The following SHANK2 variants were observed in gnomAD, a reference collection of about 807,000 sequenced individuals.
SHANK2 encodes SH3 and multiple ankyrin repeat domains 2.
SHANK2 carries 43 observed loss-of-function variants against 133.7 expected under a neutral mutation model. The observed-to-expected ratio is 0.32, with a 90% CI of 0.25 to 0.41. The LOEUF is 0.41. Among genes scored for constraint, SHANK2 ranks in the 10% least tolerant of loss-of-function variants. The pLI is 1.00. For synonymous variants in SHANK2, 1,017 were observed against 952.8 expected (o/e 1.07, Z -1.24); for missense variants, 1,994 against 2,235.8 (o/e 0.89, Z 2.18).
intron 17 of SHANK2, among the ~76,000 whole-genome samples, chr11:70,530,505 C>T (rs2059454042): frequency 1.3e-5 from 2 of 152,148 alleles, no homozygotes; most frequent in African/African-American, 4.8e-5. Flanking sequence ...CACTGCACTC[C>T]TGCCTGGGTG....
At chr11:71,252,725 G>A (rs564102261), upstream of SHANK2, 2 of 150,338 alleles carry the variant, frequency 1.3e-5, no homozygotes, top group Admixed American at 6.6e-5. The surrounding 1 kb of genome is among the most constrained non-coding windows in gnomAD (Gnocchi z 6.3). Flanking sequence ...TCAGTCCCCC[G>A]CCCCGACCCC....
rs528813260 is a variant in SHANK2 at position 71,108,026 on chromosome 11, G to T, written c.592+1915C>A. On this transcript the variant is annotated intron_variant, in intron 6 of 25. Transcript: ENST00000601538. ...ACGAGGCCAAGATGAAGACATAAGT[G>T]GCTCTGCCAGGGTGGTGAGAGCCAC... 1.2e-3 allele frequency among the ~76,000 whole-genome samples: 182 copies of T among 152,318 alleles called. 3 individuals are homozygous for T. Among genetic ancestry groups the T allele is most frequent in the African/African-American group, 4.2e-3 (176 of 41,578 alleles).
chr11:71,131,207 A>T (rs1200353054), intron 3 of SHANK2, among the ~76,000 whole-genome samples: 3 of 152,238 alleles, frequency 2.0e-5, no homozygotes, highest in African/African-American at 7.2e-5. Flanking sequence ...ATGAAATAAT[A>T]CTTCTTACTG....
chr11:71,137,448 T>C (rs1555104982), intron 3 of SHANK2, among the ~76,000 whole-genome samples: 1 of 151,628 alleles, frequency 6.6e-6, no homozygotes, highest in African/African-American at 2.4e-5. Flanking sequence ...ACAGAGAAGG[T>C]ATGGAGGGGG....
chr11:71,156,616 C>T (rs1349287239), intron 2 of SHANK2, among the ~76,000 whole-genome samples: 1 of 152,204 alleles, frequency 6.6e-6, no homozygotes, highest in Admixed American at 6.5e-5. Context: ...CTCCTGACTC[C>T]AGCTCTGAGA....
intron 12 of SHANK2, among the ~76,000 whole-genome samples, chr11:70,813,456 T>C (rs536079166): frequency 6.6e-6 from 1 of 152,214 alleles, no homozygotes; most frequent in Admixed American, 6.5e-5. Flanking sequence ...TGAGGGCCCC[T>C]GTGGCCATCC....
Position 71,094,041 on chromosome 11 carries a change from G to A in SHANK2, c.744+496C>T, listed in dbSNP as rs577757291. 5.3e-5 allele frequency among the ~76,000 whole-genome samples: 8 copies of A among 152,214 alleles called. No homozygotes were observed. In the East Asian group the frequency reaches 5.8e-4, roughly 11 times the overall value. On this transcript the variant is annotated intron_variant, in intron 7 of 25. Coordinates refer to ENST00000601538, the MANE Select transcript of SHANK2 (RefSeq NM_012309.5). ...CAACAGGGCAGGCTCCCACGGACCC[G>A]CCACAGGGTGCTGGGGGGATCTACC...
chr11:70,659,687 A>G, intron 17 of SHANK2, 141 bp downstream of exon 17: 1 of 1,029,338 alleles, frequency 9.7e-7, no homozygotes, highest in South Asian at 1.4e-5. Context: ...ACGGTGGGAG[A>G]AACTGACCAA....
chr11:70,897,938 A>C (rs1404640594), intron 10 of SHANK2, among the ~76,000 whole-genome samples: 7 of 148,986 alleles, frequency 4.7e-5, no homozygotes, highest in African/African-American at 1.8e-4. Context: ...CATAATATAC[A>C]TATACACACA....
At chr11:71,167,273 A>C (rs1397282722) in intron 2 of SHANK2, among the ~76,000 whole-genome samples, 1 of 152,094 alleles carries the variant, frequency 6.6e-6, no homozygotes, top group Non-Finnish European at 1.5e-5. Context: ...CACCATTGTC[A>C]TCATGGCCCA....
intron 24 of SHANK2, 67 bp downstream of exon 24, chr11:70,489,261 A>G: frequency 6.7e-7 from 1 of 1,486,202 alleles, no homozygotes; most frequent in South Asian, 1.1e-5. Context: ...CTAATTTAAG[A>G]ATACACCTTA....
chr11:70,616,771 T>G (rs550420556), intron 17 of SHANK2, among the ~76,000 whole-genome samples: 1 of 152,254 alleles, frequency 6.6e-6, no homozygotes, highest in African/African-American at 2.4e-5. Context: ...AGCCTCTCCC[T>G]GGCCCAGGGG....
At chr11:70,484,987 T>C (rs2058780712) in intron 25 of SHANK2, among the ~76,000 whole-genome samples, 1 of 152,082 alleles carries the variant, frequency 6.6e-6, no homozygotes, top group Non-Finnish European at 1.5e-5. Context: ...TTCTAGGTGG[T>C]CCTGGCAGAG....
chr11:70,576,052 C>A (rs1010541500), intron 17 of SHANK2, among the ~76,000 whole-genome samples: 1 of 152,072 alleles, frequency 6.6e-6, no homozygotes, highest in East Asian at 1.9e-4. Context: ...TGTGTTCCCC[C>A]CTCTCCCCAC....
At chr11:71,118,612 C>T (rs1445123679) in intron 4 of SHANK2, among the ~76,000 whole-genome samples, 1 of 152,184 alleles carries the variant, frequency 6.6e-6, no homozygotes, top group Non-Finnish European at 1.5e-5. Context: ...CAGGTCCCTC[C>T]CTCAACATGT....
Position 70,569,379 on chromosome 11 carries a change from G to A in SHANK2, c.2062-66448C>T, listed in dbSNP as rs186323766. Among the ~76,000 whole-genome samples, 13 of 152,290 alleles carry A rather than the reference G, an allele frequency of 8.5e-5. No homozygotes were observed. The highest frequency in any genetic ancestry group is 4.6e-4 in the Admixed American group (7 of 15,310). On this transcript the variant is annotated intron_variant, in intron 17 of 25. Transcript: ENST00000601538. This position sits in a 1 kb window ranked among gnomAD's most constrained non-coding sequence, Gnocchi z 5.1. Reference sequence around the variant, plus strand: ...CCCCGGTTTCCAGGTGCGGTGGAGCGGGGAGCTCCGGGGCTGGCAGAGTGA... The same window carrying A: ...CCCCGGTTTCCAGGTGCGGTGGAGCAGGGAGCTCCGGGGCTGGCAGAGTGA...
rs1952032579 is a variant in SHANK2, at chr11:71,118,931, C to G, written c.309G>C (p.Leu103=). ...QSLKDVLNYG[L]FQPASNGRDG... The stretch of plus-strand genomic sequence containing the variant: ...CACGCCCATTGCTGGCCGGCTGGAA[C>G]AGGCCGTAGTTCAGGACATCTTTCA... Residue 103 remains leucine (L), a synonymous_variant, in exon 4 of 26, where the codon CTG becomes CTC. Coordinates refer to ENST00000601538, the MANE Select transcript of SHANK2 (RefSeq NM_012309.5). 6.4e-7 allele frequency: 1 copy of G among 1,551,760 alleles called. No individual in the cohort carries two copies. The highest frequency in any genetic ancestry group is 8.7e-7 in the Non-Finnish European group (1 of 1,147,004).
At chr11:71,138,909 G>A (rs191645984) in intron 3 of SHANK2, among the ~76,000 whole-genome samples, 3 of 152,266 alleles carry the variant, frequency 2.0e-5, no homozygotes, top group Admixed American at 2.0e-4. Flanking sequence ...CACAGGGTGA[G>A]GCAGCACAGC....
At chr11:70,668,684 C>T (rs2134315006) in intron 15 of SHANK2, 1 of 152,492 alleles carries the variant, frequency 6.6e-6, no homozygotes, top group East Asian at 1.9e-4. Flanking sequence ...ACCATACGGG[C>T]ACCTGGAAGA....
Sources: gnomAD v4.1 joint callset for allele counts (sites outside exome capture counted in the v4.1 genomes callset) on GRCh38, gnomAD v4.1.1 for gene constraint, Gnocchi (gnomAD v3.1) non-coding constraint, MANE v1.5 for transcripts, NCBI Gene and HGNC (gene_info 2026-07-23, HGNC 2026-07-21) for gene names.